The following MAD1L1 variants were observed in gnomAD, a reference collection of about 807,000 sequenced individuals.
MAD1L1 encodes the protein mitotic spindle assembly checkpoint protein MAD1.
MAD1L1 carries 95 observed loss-of-function variants against 96.9 expected under a neutral mutation model. That is an observed-to-expected ratio of 0.98 (90% CI 0.83 to 1.16). MAD1L1 has a LOEUF of 1.16. Ranked by LOEUF, MAD1L1 falls within the 50% of genes most tolerant of loss-of-function variation. The pLI is 0.00. For missense variants in MAD1L1, 1,007 were observed against 954.4 expected, an observed-to-expected ratio of 1.06 and a Z score of -0.73; for synonymous variants, 473 against 396.6, an observed-to-expected ratio of 1.19 and a Z score of -2.29.
Position 2,218,024 on chromosome 7 carries a change from G to C in MAD1L1, c.616C>G (p.Gln206Glu), listed in dbSNP as rs1314536410. ...LQHKKCQEAN[Q>E]KIQELQASQE... Reference sequence around the variant, plus strand: ...CTGGCCTGGAGTTCCTGGATTTTCTGATTGGCTTCCTGGCATTTTCTATTG... The same window carrying C: ...CTGGCCTGGAGTTCCTGGATTTTCTCATTGGCTTCCTGGCATTTTCTATTG... The change falls in exon 7 of 19, where the codon CAG (glutamine) becomes GAG (glutamate). Residue 206 changes from glutamine (Q) to glutamate (E), a missense_variant. Coordinates refer to ENST00000265854, the MANE Select transcript of MAD1L1 (RefSeq NM_001013836.2). 1 of 1,613,906 alleles carries C rather than the reference G, an allele frequency of 6.2e-7. No individual in the cohort carries two copies. The highest frequency in any genetic ancestry group is 2.2e-5 in the East Asian group (1 of 44,898).
chr7:1,880,123 C>T (rs1297387889), intron 18 of MAD1L1, among the ~76,000 whole-genome samples: 1 of 152,196 alleles, frequency 6.6e-6, no homozygotes, highest in East Asian at 1.9e-4. Context: ...AACTAGGACT[C>T]GCCACAACTC....
intron 16 of MAD1L1, among the ~76,000 whole-genome samples, chr7:1,952,018 C>T (rs1779521732): frequency 6.6e-6 from 1 of 152,206 alleles, no homozygotes; most frequent in Non-Finnish European, 1.5e-5. Context: ...AGCACCATGG[C>T]CAAGCCCCCA....
At chr7:1,986,103 T>G (rs1781127546) in intron 14 of MAD1L1, among the ~76,000 whole-genome samples, 1 of 152,168 alleles carries the variant, frequency 6.6e-6, no homozygotes, top group Admixed American at 6.5e-5. Flanking sequence ...CGTGCACAGG[T>G]TCACAGTGGG....
chr7:1,838,604 C>T, intron 18 of MAD1L1: 2 of 376,216 alleles, frequency 5.3e-6, no homozygotes, highest in Non-Finnish European at 1.1e-5. Context: ...CTGAGCCCAT[C>T]TCCCTGCAAC....
At chr7:2,132,482 T>C (rs1283755789) in intron 11 of MAD1L1, among the ~76,000 whole-genome samples, 3 of 150,978 alleles carry the variant, frequency 2.0e-5, no homozygotes, top group Non-Finnish European at 4.4e-5. Flanking sequence ...TGCGTGCGAC[T>C]GCGTGTCCAC....
At chr7:2,132,526 C>CA (rs1222230680) in intron 11 of MAD1L1, among the ~76,000 whole-genome samples, 1 of 152,218 alleles carries the variant, frequency 6.6e-6, no homozygotes, top group Non-Finnish European at 1.5e-5. Context: ...GTTCATTCCC[C>CA]AAAAATCCTC....
chr7:1,869,222 G>A (rs1472196583), intron 18 of MAD1L1, among the ~76,000 whole-genome samples: 8 of 152,138 alleles, frequency 5.3e-5, no homozygotes, highest in East Asian at 1.9e-4. Flanking sequence ...ACAGAGGCCC[G>A]GGGGAACGCC....
chr7:1,996,627 G>A (rs950939091), intron 14 of MAD1L1, among the ~76,000 whole-genome samples: 5 of 152,250 alleles, frequency 3.3e-5, no homozygotes, highest in African/African-American at 4.8e-5. Context: ...GAAGGGTGGG[G>A]GACGGGAAGC....
At chr7:2,147,531 A>G (rs1789369414) in intron 11 of MAD1L1, among the ~76,000 whole-genome samples, 1 of 152,328 alleles carries the variant, frequency 6.6e-6, no homozygotes, top group East Asian at 1.9e-4. Context: ...CTCCCAGACC[A>G]GCGCAGTACT....
chr7:2,098,342 C>T (rs1347353489), intron 11 of MAD1L1, among the ~76,000 whole-genome samples: 1 of 152,192 alleles, frequency 6.6e-6, no homozygotes, highest in Admixed American at 6.5e-5. Flanking sequence ...GCACACGCCA[C>T]GGGGACCCAG....
chr7:1,879,153 G>A (rs1258530996), intron 18 of MAD1L1, among the ~76,000 whole-genome samples: 1 of 152,200 alleles, frequency 6.6e-6, no homozygotes, highest in Admixed American at 6.5e-5. Context: ...CCATTTTCAT[G>A]GATTGGAACA....
At chr7:1,900,731 G>A (rs1021597038) in intron 17 of MAD1L1, among the ~76,000 whole-genome samples, 8 of 152,174 alleles carry the variant, frequency 5.3e-5, no homozygotes, top group Middle Eastern at 3.4e-3. Context: ...GATCTCAGGC[G>A]TCCAAAGGGG....
chr7:2,178,489 A>G (rs556460542), intron 10 of MAD1L1, among the ~76,000 whole-genome samples: 76 of 152,358 alleles, frequency 5.0e-4, no homozygotes, highest in African/African-American at 1.8e-3. Flanking sequence ...CACTTGCTGG[A>G]AAGACAGGAA....
At chr7:2,190,220 T>C (rs1791654412) in intron 10 of MAD1L1, among the ~76,000 whole-genome samples, 3 of 152,094 alleles carry the variant, frequency 2.0e-5, no homozygotes, top group Admixed American at 6.5e-5. Context: ...CATGATTCAA[T>C]GAAAGAAGAC....
intron 18 of MAD1L1, among the ~76,000 whole-genome samples, chr7:1,874,002 G>A (rs538144797): frequency 1.1e-4 from 17 of 152,230 alleles, no homozygotes; most frequent in Admixed American, 6.5e-4. Flanking sequence ...GTGGGGAGGC[G>A]TGGAACACAC....
chr7:2,187,117 C>A (rs1009241158), intron 10 of MAD1L1, among the ~76,000 whole-genome samples: 1 of 151,988 alleles, frequency 6.6e-6, no homozygotes, highest in Non-Finnish European at 1.5e-5. Context: ...CATAATAATA[C>A]TAAGTGGATC....
At chr7:1,989,169 C>T (rs568842234) in intron 14 of MAD1L1, among the ~76,000 whole-genome samples, 15 of 152,192 alleles carry the variant, frequency 9.9e-5, no homozygotes, top group South Asian at 4.1e-4. Flanking sequence ...CTCAGGGTAA[C>T]GCAAACAAAG....
intron 10 of MAD1L1, among the ~76,000 whole-genome samples, chr7:2,171,668 C>A (rs965551995): frequency 2.0e-5 from 3 of 151,034 alleles, no homozygotes; most frequent in African/African-American, 4.9e-5. Flanking sequence ...AGATGGGACA[C>A]GTATAGTCAC....
At chr7:2,231,017 A>ATGCT (rs1794165061) in intron 1 of MAD1L1, among the ~76,000 whole-genome samples, 1 of 152,160 alleles carries the variant, frequency 6.6e-6, no homozygotes, top group African/African-American at 2.4e-5. Flanking sequence ...ACTCACAGCA[A>ATGCT]AGTCTGGCCT....
Sources: gnomAD v4.1 joint callset for allele counts (sites outside exome capture counted in the v4.1 genomes callset) on GRCh38, gnomAD v4.1.1 for gene constraint, MANE v1.5 for transcripts, NCBI Gene and HGNC (gene_info 2026-07-23, HGNC 2026-07-21) for gene names.